The following ARHGAP42 variants were observed in gnomAD, a reference collection of about 807,000 sequenced individuals.
The protein encoded by ARHGAP42 is Rho GTPase activating protein 42.
Under a neutral mutation model 125.0 loss-of-function variants are expected in ARHGAP42, and 63 were observed. That is an observed-to-expected ratio of 0.50 (90% CI 0.41 to 0.62). The LOEUF (loss-of-function observed/expected upper bound fraction) is 0.62, where lower values mean the gene tolerates loss of function less well. ARHGAP42 is among the 20% of genes least tolerant of loss of function. The pLI is 0.00. For missense variants in ARHGAP42, 766 were observed against 1,024.2 expected (o/e 0.75, Z 3.44); for synonymous variants, 339 against 351.0 (o/e 0.97, Z 0.38).
chr11:100,993,625 T>C lies in ARHGAP42; in HGVS notation c.*4824T>C, dbSNP rs1012535937. The C allele has an allele frequency of 6.0e-6, 1 of 167,066 alleles. No individual in the cohort carries two copies. The highest frequency in any genetic ancestry group is 1.5e-5 in the Non-Finnish European group (1 of 68,114). The allele number at this position is 167,066 out of a possible 1,614,324, so 10.3% of individuals were successfully genotyped here. A position where few individuals can be genotyped will look rare whatever the true frequency, so the allele number is the denominator to read the frequency against. The stretch of plus-strand genomic sequence containing the variant: ...GAACCCTATTTATATACTGTTAAAA[T>C]TTGAGGTACTGTAGTTTATATAAAA... On this transcript the variant is annotated 3_prime_UTR_variant, in exon 24 of 24. Coordinates refer to ENST00000298815, the MANE Select transcript of ARHGAP42 (RefSeq NM_152432.4).
At chr11:100,741,167 A>AT (rs532007380) in intron 1 of ARHGAP42, among the ~76,000 whole-genome samples, 147 of 152,124 alleles carry the variant, frequency 9.7e-4, no homozygotes, top group African/African-American at 3.4e-3. Flanking sequence ...AGTAGTGGGG[A>AT]TTACAGGCAC....
Position 100,787,373 on chromosome 11 carries a change from G to A in ARHGAP42, c.251-7732G>A, listed in dbSNP as rs140884424. ...TTCCCATTTATCTTTCGCCACGATT[G>A]TAAGTTTCCTGAGTCCTCCCCAGCC... is the stretch of plus-strand genomic sequence containing the variant. On this transcript the variant is annotated intron_variant, in intron 2 of 23. Coordinates refer to ENST00000298815, the MANE Select transcript of ARHGAP42 (RefSeq NM_152432.4). Among the ~76,000 whole-genome samples the A allele has an allele frequency of 4.4e-3, 666 of 152,134 alleles. 3 individuals are homozygous for A. The highest frequency in any genetic ancestry group is 0.015 in the African/African-American group (631 of 41,520).
chr11:100,825,886 A>G (rs1864504825), intron 3 of ARHGAP42, among the ~76,000 whole-genome samples: 3 of 152,194 alleles, frequency 2.0e-5, no homozygotes, highest in South Asian at 4.1e-4. Flanking sequence ...AATGCTCAGC[A>G]TTGCTAGAAA....
chr11:100,726,711 A>G (rs1861868240), intron 1 of ARHGAP42, among the ~76,000 whole-genome samples: 1 of 152,230 alleles, frequency 6.6e-6, no homozygotes, highest in Non-Finnish European at 1.5e-5. Flanking sequence ...GAATCCCACT[A>G]GGGAAGCCTT....
intron 1 of ARHGAP42, among the ~76,000 whole-genome samples, chr11:100,753,626 C>A (rs1171442747): frequency 1.3e-5 from 2 of 152,224 alleles, no homozygotes; most frequent in African/African-American, 4.8e-5. Context: ...TCTGTGAGGT[C>A]CCCTGTCAGT....
chr11:100,836,699 A>T (rs540877020), intron 3 of ARHGAP42, among the ~76,000 whole-genome samples: 2 of 148,024 alleles, frequency 1.4e-5, no homozygotes, highest in Non-Finnish European at 3.0e-5. Context: ...GAGATGTGTA[A>T]GGTTTTTTGT....
chr11:100,775,880 C>T (rs1202297982), intron 2 of ARHGAP42, among the ~76,000 whole-genome samples: 1 of 152,028 alleles, frequency 6.6e-6, no homozygotes, highest in Non-Finnish European at 1.5e-5. Flanking sequence ...GATATTGTGG[C>T]CGGGTACGGT....
At chr11:100,830,958 G>T (rs760071516) in intron 3 of ARHGAP42, among the ~76,000 whole-genome samples, 62 of 151,928 alleles carry the variant, frequency 4.1e-4, no homozygotes, top group African/African-American at 1.4e-3. Context: ...TAATGTACGG[G>T]GTGAGGGAAA....
At chr11:100,821,306 T>C (rs586495) in intron 3 of ARHGAP42, among the ~76,000 whole-genome samples, 122,428 of 151,956 alleles carry the variant, frequency 0.81, 49,382 homozygotes, top group Middle Eastern at 0.85. Context: ...AGCCAAAGAC[T>C]TGAGGTGGGT....
intron 6 of ARHGAP42, among the ~76,000 whole-genome samples, chr11:100,923,018 T>C (rs958800764): frequency 2.0e-5 from 3 of 152,220 alleles, no homozygotes; most frequent in Non-Finnish European, 2.9e-5. Flanking sequence ...TATCCTCTTA[T>C]ATAGTGGACC....
chr11:100,868,504 G>T (rs77337406), intron 4 of ARHGAP42, among the ~76,000 whole-genome samples: 60 of 152,272 alleles, frequency 3.9e-4, no homozygotes, highest in African/African-American at 1.3e-3. Flanking sequence ...AAACTGAAGT[G>T]CAAAGAAGTT....
At chr11:100,931,200 G>C (rs995941765) in intron 6 of ARHGAP42, among the ~76,000 whole-genome samples, 1 of 152,140 alleles carries the variant, frequency 6.6e-6, no homozygotes, top group African/African-American at 2.4e-5. Flanking sequence ...TATCGTGACA[G>C]TGCTCTAAAA....
intron 11 of ARHGAP42, among the ~76,000 whole-genome samples, chr11:100,948,844 C>G (rs74451513): frequency 1.3e-5 from 2 of 152,016 alleles, no homozygotes; most frequent in African/African-American, 4.8e-5. Flanking sequence ...TAATAATGAT[C>G]GCATGCCCAG....
At chr11:100,766,648 C>T (rs1301106798) in intron 1 of ARHGAP42, among the ~76,000 whole-genome samples, 1 of 152,056 alleles carries the variant, frequency 6.6e-6, no homozygotes, top group Non-Finnish European at 1.5e-5. Flanking sequence ...GAGATGGAGC[C>T]AAGATTAAAA....
chr11:100,906,156 T>C (rs373376509), intron 4 of ARHGAP42, among the ~76,000 whole-genome samples: 5 of 152,218 alleles, frequency 3.3e-5, no homozygotes, highest in South Asian at 4.1e-4. Context: ...TTCCTGTTTT[T>C]TCAGATCTTT....
intron 1 of ARHGAP42, among the ~76,000 whole-genome samples, chr11:100,688,187 G>A (rs1487732476): frequency 6.6e-6 from 1 of 151,994 alleles, no homozygotes; most frequent in Non-Finnish European, 1.5e-5. Flanking sequence ...AGCCCTTAAG[G>A]GGGGAATCAA....
intron 2 of ARHGAP42, among the ~76,000 whole-genome samples, chr11:100,790,410 A>G (rs1472070997): frequency 1.3e-5 from 2 of 152,166 alleles, no homozygotes; most frequent in African/African-American, 4.8e-5. Flanking sequence ...ACCAATGGTA[A>G]TGTTCTTAAA....
chr11:100,954,915 G>A (rs1317197302), intron 12 of ARHGAP42, among the ~76,000 whole-genome samples: 1 of 152,018 alleles, frequency 6.6e-6, no homozygotes, highest in African/African-American at 2.4e-5. Context: ...CTGTGATAAG[G>A]GACCTTTTAA....
intron 5 of ARHGAP42, among the ~76,000 whole-genome samples, chr11:100,917,879 A>AT (rs1266309715): frequency 6.6e-6 from 1 of 152,024 alleles, no homozygotes; most frequent in African/African-American, 2.4e-5. Context: ...TAGTAGTAGT[A>AT]TTTTTTTGTA....
Sources: allele counts gnomAD v4.1 joint callset (sites outside exome capture counted in the v4.1 genomes callset), GRCh38; gene constraint gnomAD v4.1.1; transcripts MANE v1.5; gene names NCBI Gene and HGNC (gene_info 2026-07-23, HGNC 2026-07-21).